The following SNX9 variants were observed in gnomAD, a reference collection of about 807,000 sequenced individuals.
SNX9 encodes the protein sorting nexin 9.
Under a neutral mutation model 89.4 loss-of-function variants are expected in SNX9, and 44 were observed. The observed-to-expected ratio is 0.49, with a 90% CI of 0.39 to 0.63. The LOEUF (loss-of-function observed/expected upper bound fraction) is 0.63. Among genes scored for constraint, SNX9 ranks in the 30% least tolerant of loss-of-function variants. SNX9 has a pLI of 0.00. For missense variants in SNX9, 578 were observed against 736.1 expected (o/e 0.79, Z 2.49); for synonymous variants, 236 against 247.8 (o/e 0.95, Z 0.45).
intron 1 of SNX9, among the ~76,000 whole-genome samples, chr6:157,841,292 G>A (rs117510189): frequency 8.0e-4 from 122 of 152,206 alleles, no homozygotes; most frequent in Middle Eastern, 6.8e-3. Flanking sequence ...TTTTAATTTA[G>A]GGTCTTCAAG....
intron 12 of SNX9, among the ~76,000 whole-genome samples, chr6:157,930,154 C>G (rs1342481320): frequency 6.6e-6 from 1 of 152,194 alleles, no homozygotes; most frequent in Non-Finnish European, 1.5e-5. Flanking sequence ...TCTGCCTCTT[C>G]CTCTACTAGC....
intron 17 of SNX9, 78 bp from the exon 18 acceptor site, chr6:157,942,713 G>T: frequency 7.0e-7 from 1 of 1,436,578 alleles, no homozygotes. Context: ...TTAACTTGTT[G>T]GAGTTGTGAA....
intron 4 of SNX9, 26 bp downstream of exon 4, chr6:157,875,202 T>C: frequency 6.3e-7 from 1 of 1,593,050 alleles, no homozygotes; most frequent in Non-Finnish European, 8.6e-7. Context: ...TCCTTCTGGA[T>C]GTGGCTGGCT....
intron 1 of SNX9, among the ~76,000 whole-genome samples, chr6:157,844,501 A>C (rs1440643056): frequency 1.3e-5 from 2 of 151,294 alleles, no homozygotes; most frequent in Non-Finnish European, 2.9e-5. Flanking sequence ...CACTGATCTT[A>C]GGAGCAGTTT....
At position 157,861,341 on chromosome 6, in the gene SNX9, C is replaced by T. The variant is rs16900475; in HGVS notation, c.13-6206C>T. On this transcript the variant is annotated intron_variant, in intron 1 of 17. Transcript: ENST00000392185. ...CTGAGAACATGATAATTAATTGACC[C>T]GCATCCCCTTGGAGCTTCTTATCTG... Among the ~76,000 whole-genome samples the T allele has an allele frequency of 1.1e-3, 171 of 152,212 alleles. 1 individual carries two copies. Among genetic ancestry groups the T allele is most frequent in the East Asian group, 7.3e-3 (38 of 5,176 alleles).
intron 1 of SNX9, among the ~76,000 whole-genome samples, chr6:157,826,294 C>A (rs9347674): frequency 0.051 from 7,711 of 151,754 alleles, 219 homozygotes; most frequent in East Asian, 0.11. Flanking sequence ...GTCGGGAGAT[C>A]GAGACCATCC....
intron 4 of SNX9, among the ~76,000 whole-genome samples, chr6:157,891,163 C>CT (rs778797984): frequency 1.3e-5 from 2 of 151,022 alleles, no homozygotes; most frequent in Non-Finnish European, 2.9e-5. Flanking sequence ...TCCCAAGTAG[C>CT]TGGGATTATA....
intron 15 of SNX9, 146 bp from the exon 16 acceptor site, chr6:157,938,487 T>TATC: frequency 1.8e-6 from 1 of 552,014 alleles, no homozygotes; most frequent in South Asian, 2.9e-5. Flanking sequence ...GAAGTTAAAT[T>TATC]TAGATGCTTT....
At chr6:157,941,204 T>C (rs1468630891) in intron 17 of SNX9, among the ~76,000 whole-genome samples, 1 of 152,180 alleles carries the variant, frequency 6.6e-6, no homozygotes, top group East Asian at 1.9e-4. Flanking sequence ...TCTTGGATGC[T>C]AGTTGCAAGG....
At chr6:157,833,734 C>T (rs1239207013) in intron 1 of SNX9, among the ~76,000 whole-genome samples, 4 of 152,154 alleles carry the variant, frequency 2.6e-5, no homozygotes, top group African/African-American at 4.8e-5. Flanking sequence ...ACTTCTCCTC[C>T]CGCCTTCCTA....
intron 1 of SNX9, among the ~76,000 whole-genome samples, chr6:157,864,579 C>T (rs901620491): frequency 2.0e-5 from 3 of 152,096 alleles, no homozygotes; most frequent in African/African-American, 7.2e-5. Flanking sequence ...TCTTGAGGAC[C>T]AATAACACAA....
intron 5 of SNX9, among the ~76,000 whole-genome samples, chr6:157,900,893 G>C (rs1179354435): frequency 6.6e-6 from 1 of 152,192 alleles, no homozygotes; most frequent in Admixed American, 6.5e-5. Context: ...TGTTAGACCA[G>C]AAATTCTCAG....
rs563945123 is a variant in SNX9 at position 157,828,235 on chromosome 6, G to A, written c.12+4789G>A. Among the ~76,000 whole-genome samples the A allele has an allele frequency of 1.7e-3, 252 of 152,162 alleles. 1 individual carries two copies. Among genetic ancestry groups the A allele is most frequent in the Admixed American group, 2.2e-3 (34 of 15,288 alleles). ...AGTGTGCAGTATTTGTATAGTCAAAGATAAGTTCTGTGACAGTAGAAAGAT... is the reference window on the plus strand; with the variant it reads ...AGTGTGCAGTATTTGTATAGTCAAAAATAAGTTCTGTGACAGTAGAAAGAT... On this transcript the variant is annotated intron_variant, in intron 1 of 17. Coordinates refer to ENST00000392185, the MANE Select transcript of SNX9 (RefSeq NM_016224.5).
chr6:157,916,543 T>G (rs1783476592), intron 9 of SNX9, among the ~76,000 whole-genome samples: 1 of 152,258 alleles, frequency 6.6e-6, no homozygotes, highest in African/African-American at 2.4e-5. Context: ...CACCATTAAC[T>G]ATGATGTTAG....
At chr6:157,932,122 A>G in intron 12 of SNX9, 73 bp from the exon 13 acceptor site, 1 of 1,319,560 alleles carries the variant, frequency 7.6e-7, no homozygotes, top group Non-Finnish European at 1.1e-6. Context: ...TACTGTAATC[A>G]CTTTTAGGAA....
chr6:157,836,535 C>G (rs949835388), intron 1 of SNX9, among the ~76,000 whole-genome samples: 1 of 152,014 alleles, frequency 6.6e-6, no homozygotes, highest in African/African-American at 2.4e-5. Context: ...CTTGTTAAAT[C>G]ACACAGAGTT....
intron 6 of SNX9, among the ~76,000 whole-genome samples, chr6:157,903,940 G>A (rs1186150313): frequency 6.6e-6 from 1 of 152,152 alleles, no homozygotes; most frequent in African/African-American, 2.4e-5. Context: ...TGCTGTGAAC[G>A]ATTTAACACC....
In SNX9 at chr6:157,906,102, T is replaced by C. The variant is rs192766715; in HGVS notation, c.621-26T>C. The C allele has an allele frequency of 9.8e-5, 156 of 1,591,504 alleles. No homozygotes were observed. In the African/African-American group the frequency reaches 1.7e-3, roughly 18 times the overall value. ...ATTCTTACAAGGAAAGTCTTAAGAC[T>C]GATGAACATTTATATTCATGATTAG... is the stretch of plus-strand genomic sequence containing the variant. On this transcript the variant is annotated intron_variant, in intron 6 of 17. Transcript: ENST00000392185.
At chr6:157,876,186 C>T (rs778408734) in intron 4 of SNX9, among the ~76,000 whole-genome samples, 2 of 151,988 alleles carry the variant, frequency 1.3e-5, no homozygotes, top group Admixed American at 1.3e-4. Context: ...CAGTGGCTCA[C>T]GCCTGTAATC....
Sources: allele counts gnomAD v4.1 joint callset (sites outside exome capture counted in the v4.1 genomes callset), GRCh38; gene constraint gnomAD v4.1.1; transcripts MANE v1.5; gene names NCBI Gene and HGNC (gene_info 2026-07-23, HGNC 2026-07-21).